SNTG1: variants seen among roughly 807,000 people sequenced by gnomAD.
The protein encoded by SNTG1 is syntrophin gamma 1.
SNTG1 carries 39 observed loss-of-function variants against 74.7 expected under a neutral mutation model. The observed-to-expected ratio is 0.52, with a 90% CI of 0.40 to 0.68. The LOEUF is 0.68. Ranked by LOEUF, SNTG1 falls within the 30% of genes least tolerant of loss-of-function variation. SNTG1 has a pLI of 0.00. For missense variants in SNTG1, 685 were observed against 609.5 expected, an observed-to-expected ratio of 1.12 and a Z score of -1.30; for synonymous variants, 254 against 217.1, an observed-to-expected ratio of 1.17 and a Z score of -1.49.
chr8:49,945,579 G>A (rs1809104724), intron 1 of SNTG1, among the ~76,000 whole-genome samples: 2 of 152,104 alleles, frequency 1.3e-5, no homozygotes, highest in Non-Finnish European at 1.5e-5. Context: ...CAGATGACCC[G>A]TGTTCAGCTG....
intron 2 of SNTG1, among the ~76,000 whole-genome samples, chr8:50,224,607 C>A (rs1304574331): frequency 2.0e-5 from 3 of 152,126 alleles, no homozygotes; most frequent in Non-Finnish European, 4.4e-5. Flanking sequence ...ACCCCCCAAC[C>A]AACTGACTGG....
chr8:50,543,806 A>T (rs1472675057), intron 11 of SNTG1, among the ~76,000 whole-genome samples: 1 of 152,136 alleles, frequency 6.6e-6, no homozygotes, highest in Non-Finnish European at 1.5e-5. Flanking sequence ...CACTTGCACC[A>T]ACAATGTAGG....
At chr8:50,506,965 T>A (rs1346679052) in intron 9 of SNTG1, among the ~76,000 whole-genome samples, 1 of 152,088 alleles carries the variant, frequency 6.6e-6, no homozygotes, top group Admixed American at 6.6e-5. Context: ...ATGAATGACC[T>A]TTATTATGTA....
intron 8 of SNTG1, among the ~76,000 whole-genome samples, chr8:50,475,939 A>T (rs1005947620): frequency 1.3e-5 from 2 of 152,212 alleles, no homozygotes. Flanking sequence ...GGAAAACTTC[A>T]GAAATAAACA....
intron 1 of SNTG1, among the ~76,000 whole-genome samples, chr8:50,103,151 C>T (rs1040467328): frequency 2.6e-5 from 4 of 152,112 alleles, no homozygotes; most frequent in South Asian, 4.2e-4. Flanking sequence ...TACCTTGGGC[C>T]GTATGGCCAT....
In SNTG1 at chr8:50,122,481, C is replaced by T. The variant is rs1055450716; in HGVS notation, c.-102-50080C>T. Among the ~76,000 whole-genome samples, 5 of 141,552 alleles carry T rather than the reference C, an allele frequency of 3.5e-5. 1 individual carries two copies. Among genetic ancestry groups the T allele is most frequent in the East Asian group, 2.0e-4 (1 of 4,950 alleles). The allele number at this position is 141,552 out of a possible 152,430, so 92.9% of individuals were successfully genotyped here. Reference sequence around the variant, plus strand: ...AGGTCAAAAAAAAGCTGTGACTGCACTCAGCCCTTTGGACCTCATCTTCAA... The same window carrying T: ...AGGTCAAAAAAAAGCTGTGACTGCATTCAGCCCTTTGGACCTCATCTTCAA... On this transcript the variant is annotated intron_variant, in intron 1 of 18. Transcript: ENST00000642720.
chr8:50,365,384 C>G (rs1281429953), intron 2 of SNTG1, among the ~76,000 whole-genome samples: 1 of 151,982 alleles, frequency 6.6e-6, no homozygotes, highest in Non-Finnish European at 1.5e-5. Flanking sequence ...TTATGTTTGT[C>G]ATTTATTAAT....
chr8:50,712,014 A>T (rs191792788), intron 17 of SNTG1, among the ~76,000 whole-genome samples: 1 of 152,260 alleles, frequency 6.6e-6, no homozygotes. Context: ...GTATATGTGC[A>T]TTAATTAATT....
chr8:50,186,274 A>G (rs1163728088), intron 2 of SNTG1, among the ~76,000 whole-genome samples: 1 of 152,138 alleles, frequency 6.6e-6, no homozygotes, highest in Non-Finnish European at 1.5e-5. Context: ...GGTAGGCTCC[A>G]TGTCTTTGCT....
Position 50,553,058 on chromosome 8 carries a change from C to T in SNTG1, c.689C>T (p.Ala230Val). 3 of 1,613,806 alleles carry T rather than the reference C, an allele frequency of 1.9e-6. No homozygotes were observed. Among genetic ancestry groups the T allele is most frequent in the African/African-American group, 1.3e-5 (1 of 75,034 alleles). Reference sequence around the variant, plus strand: ...GTTCTGAACATCTGCAGGCAGAATGCCTTTCAAGTCATTGCTGTGGATGGG... The same window carrying T: ...GTTCTGAACATCTGCAGGCAGAATGTCTTTCAAGTCATTGCTGTGGATGGG... Reference protein sequence around the residue: ...VPGTDLSRQNAFQVIAVDGVC... With the variant: ...VPGTDLSRQNVFQVIAVDGVC... The change falls in exon 12 of 19, where the codon GCC becomes GTC. Residue 230 changes from alanine (A) to valine (V), a missense_variant. Coordinates refer to ENST00000642720, the MANE Select transcript of SNTG1 (RefSeq NM_018967.5).
intron 17 of SNTG1, among the ~76,000 whole-genome samples, chr8:50,719,888 A>C (rs2095483633): frequency 6.6e-6 from 1 of 152,242 alleles, no homozygotes; most frequent in Non-Finnish European, 1.5e-5. Flanking sequence ...GATTTCAAAT[A>C]AATTCTCAAA....
At chr8:49,922,426 A>T (rs1217934067) in intron 1 of SNTG1, among the ~76,000 whole-genome samples, 11 of 152,126 alleles carry the variant, frequency 7.2e-5, no homozygotes, top group African/African-American at 1.2e-4. Context: ...ACCACCAAAC[A>T]GTGGGCAATT....
At chr8:50,173,305 C>A (rs1363571160) in intron 2 of SNTG1, among the ~76,000 whole-genome samples, 5 of 152,070 alleles carry the variant, frequency 3.3e-5, no homozygotes, top group African/African-American at 4.8e-5. Flanking sequence ...GTGAACGTGG[C>A]TAGAAAAGGT....
chr8:50,356,757 GC>G (rs772101333), intron 2 of SNTG1, among the ~76,000 whole-genome samples: 1 of 152,070 alleles, frequency 6.6e-6, no homozygotes, highest in Non-Finnish European at 1.5e-5. Context: ...CATTATATGG[GC>G]CATTCAGTTT....
chr8:49,919,733 T>G (rs1421263636), intron 1 of SNTG1, among the ~76,000 whole-genome samples: 1 of 152,110 alleles, frequency 6.6e-6, no homozygotes, highest in African/African-American at 2.4e-5. Flanking sequence ...GAACAGTTAT[T>G]TTTTCTATAT....
intron 2 of SNTG1, among the ~76,000 whole-genome samples, chr8:50,335,748 G>C (rs949927313): frequency 6.6e-6 from 1 of 152,046 alleles, no homozygotes; most frequent in South Asian, 2.1e-4. Flanking sequence ...GCATGGCAAG[G>C]CCTCTAGCTT....
At chr8:50,301,412 T>C (rs2089638801) in intron 2 of SNTG1, among the ~76,000 whole-genome samples, 1 of 152,176 alleles carries the variant, frequency 6.6e-6, no homozygotes, top group Non-Finnish European at 1.5e-5. Flanking sequence ...TTTCAACTTC[T>C]TTTTTATATG....
At chr8:50,741,617 A>G (rs752279058) in intron 17 of SNTG1, among the ~76,000 whole-genome samples, 1 of 152,092 alleles carries the variant, frequency 6.6e-6, no homozygotes, top group African/African-American at 2.4e-5. Context: ...CCAAACATGG[A>G]AACAACCAGC....
chr8:50,740,461 G>GAAACA (rs542834428), intron 17 of SNTG1, among the ~76,000 whole-genome samples: 79 of 150,444 alleles, frequency 5.3e-4, no homozygotes, highest in East Asian at 2.1e-3. Context: ...GCTACCATTA[G>GAAACA]AAACAAAACA....
Sources: gnomAD v4.1 joint callset for allele counts (sites outside exome capture counted in the v4.1 genomes callset) on GRCh38, gnomAD v4.1.1 for gene constraint, MANE v1.5 for transcripts, NCBI Gene and HGNC (gene_info 2026-07-23, HGNC 2026-07-21) for gene names.